PDE1A: variants seen among roughly 807,000 people sequenced by gnomAD.
The protein encoded by PDE1A is dual specificity calcium/calmodulin-dependent 3',5'-cyclic nucleotide phosphodiesterase 1A.
A neutral mutation model predicts 61.7 loss-of-function variants in PDE1A; 35 were observed. That is an observed-to-expected ratio of 0.57 (90% CI 0.43 to 0.75). The LOEUF (loss-of-function observed/expected upper bound fraction) is 0.75, where lower values mean the gene tolerates loss of function less well. Ranked by LOEUF, PDE1A falls within the 30% of genes least tolerant of loss-of-function variation. PDE1A has a pLI of 0.00. For missense variants in PDE1A, 597 were observed against 630.6 expected, an observed-to-expected ratio of 0.95 and a Z score of 0.57; for synonymous variants, 232 against 213.2, an observed-to-expected ratio of 1.09 and a Z score of -0.77.
the PDE1A span, among the ~76,000 whole-genome samples, chr2:182,696,688 G>A: frequency 1.1e-4 from 16 of 152,190 alleles, no homozygotes; most frequent in East Asian, 7.7e-4. Flanking sequence ...AGGGGATGTT[G>A]ACAATGGGGG....
At chr2:182,451,925 G>C (rs1685549690) in intron 2 of PDE1A, among the ~76,000 whole-genome samples, 1 of 151,248 alleles carries the variant, frequency 6.6e-6, no homozygotes, top group African/African-American at 2.4e-5. Context: ...ACATGAGCTA[G>C]AACTTCTGCT....
At chr2:182,495,392 T>G (rs1411433703) in intron 2 of PDE1A, among the ~76,000 whole-genome samples, 1 of 152,184 alleles carries the variant, frequency 6.6e-6, no homozygotes, top group Admixed American at 6.5e-5. Flanking sequence ...TGGTCCAGCA[T>G]GTAGAATCTG....
chr2:182,147,034 A>G, downstream of PDE1A: 1 of 1,204,720 alleles, frequency 8.3e-7, no homozygotes, highest in South Asian at 1.3e-5. Flanking sequence ...AAATAAAATT[A>G]CCTCTCATGT....
intron 2 of PDE1A, among the ~76,000 whole-genome samples, chr2:182,470,367 A>C (rs888385602): frequency 3.3e-5 from 5 of 151,904 alleles, no homozygotes; most frequent in African/African-American, 1.2e-4. Flanking sequence ...AATGGTGTTA[A>C]TCTCAATGCT....
chr2:182,499,277 C>T (rs1184408411), intron 2 of PDE1A, among the ~76,000 whole-genome samples: 2 of 148,452 alleles, frequency 1.3e-5, no homozygotes, highest in Non-Finnish European at 3.0e-5. Flanking sequence ...CCCGGGTTCA[C>T]GCCATTCTCC....
chr2:182,145,579 A>T (rs867806280), downstream of PDE1A, among the ~76,000 whole-genome samples: 1 of 152,046 alleles, frequency 6.6e-6, no homozygotes, highest in South Asian at 2.1e-4. Context: ...ATACAAAAAA[A>T]TTAGCCAGGC....
At chr2:182,546,117 T>C in the PDE1A span, among the ~76,000 whole-genome samples, 1 of 152,224 alleles carries the variant, frequency 6.6e-6, no homozygotes, top group South Asian at 2.1e-4. Context: ...CCCTTGTTAC[T>C]GAAGCAAGTG....
chr2:182,461,073 A>T (rs1686254693), intron 2 of PDE1A, among the ~76,000 whole-genome samples: 1 of 152,132 alleles, frequency 6.6e-6, no homozygotes, highest in Non-Finnish European at 1.5e-5. Context: ...TCAGAAGGTG[A>T]CCTCATATGC....
Position 182,206,075 on chromosome 2 carries a change from A to C in PDE1A, c.777-10T>G, listed in dbSNP as rs1170548048. ...AATGGCAACATCTGACCTAAGAATT[A>C]AAAACAAAATGCCCAACAGAGGATT... On this transcript the variant is annotated splice_polypyrimidine_tract_variant and intron_variant, in intron 7 of 13. Transcript: ENST00000351439. 1.3e-6 allele frequency: 2 copies of C among 1,598,388 alleles called. No individual in the cohort carries two copies. Among genetic ancestry groups the C allele is most frequent in the Middle Eastern group, 1.7e-4 (1 of 6,002 alleles).
the PDE1A span, among the ~76,000 whole-genome samples, chr2:182,602,209 G>A: frequency 7.9e-5 from 12 of 152,358 alleles, no homozygotes; most frequent in South Asian, 1.4e-3. Flanking sequence ...TGCAGGATGC[G>A]TGAGTCTGCA....
At chr2:182,483,586 A>G (rs1476695030) in intron 2 of PDE1A, among the ~76,000 whole-genome samples, 1 of 151,980 alleles carries the variant, frequency 6.6e-6, no homozygotes, top group Non-Finnish European at 1.5e-5. Flanking sequence ...TGGAAATTAG[A>G]ATACATTTTG....
chr2:182,406,497 G>A (rs1314144984), intron 1 of PDE1A, among the ~76,000 whole-genome samples: 1 of 152,078 alleles, frequency 6.6e-6, no homozygotes, highest in African/African-American at 2.4e-5. Flanking sequence ...ATCAACTGCT[G>A]TGCTCAGAAC....
At chr2:182,405,206 T>C (rs963137586) in intron 1 of PDE1A, among the ~76,000 whole-genome samples, 2 of 152,182 alleles carry the variant, frequency 1.3e-5, no homozygotes, top group African/African-American at 4.8e-5. Context: ...TGACCGTACA[T>C]ATATGACTCA....
rs575991469 is a variant in PDE1A, at chr2:182,191,464, A to G, written c.1126-2404T>C. Among the ~76,000 whole-genome samples, 524 of 152,254 alleles carry G rather than the reference A, an allele frequency of 3.4e-3. 3 individuals carry two copies. The highest frequency in any genetic ancestry group is 0.012 in the African/African-American group (510 of 41,572). ...ACCGATAGGCTTTTGGGAACCTGATATTAGAGATGCTTATTTAACATATGC... is the reference window on the plus strand; with the variant it reads ...ACCGATAGGCTTTTGGGAACCTGATGTTAGAGATGCTTATTTAACATATGC... On this transcript the variant is annotated intron_variant, in intron 10 of 13. Coordinates refer to ENST00000351439, the Ensembl canonical transcript of PDE1A.
At chr2:182,151,949 C>G (rs187344010) in intron 13 of PDE1A, among the ~76,000 whole-genome samples, 1 of 152,168 alleles carries the variant, frequency 6.6e-6, no homozygotes, top group Non-Finnish European at 1.5e-5. Flanking sequence ...CGCAAAATAG[C>G]CTAGGTGAAT....
the PDE1A span, among the ~76,000 whole-genome samples, chr2:182,650,083 T>C: frequency 5.3e-5 from 8 of 151,864 alleles, no homozygotes; most frequent in African/African-American, 1.7e-4. Context: ...CGAGACTCTC[T>C]CTCCAAAAAA....
the PDE1A span, among the ~76,000 whole-genome samples, chr2:182,545,338 A>G: frequency 1.3e-5 from 2 of 152,174 alleles, no homozygotes; most frequent in African/African-American, 4.8e-5. Context: ...GGCTCCAGTG[A>G]CACACTCAAG....
intron 1 of PDE1A, among the ~76,000 whole-genome samples, chr2:182,325,990 T>G (rs1163630676): frequency 6.6e-6 from 1 of 152,064 alleles, no homozygotes; most frequent in Non-Finnish European, 1.5e-5. Flanking sequence ...GAATACACAT[T>G]TCTCCAAAGC....
chr2:182,676,413 C>T, the PDE1A span, among the ~76,000 whole-genome samples: 1 of 150,696 alleles, frequency 6.6e-6, no homozygotes, highest in Non-Finnish European at 1.5e-5. Context: ...GAAATTGAAT[C>T]AGTAATAAAT....
Sources: gnomAD v4.1 joint callset for allele counts (sites outside exome capture counted in the v4.1 genomes callset) on GRCh38, gnomAD v4.1.1 for gene constraint, MANE v1.5 for transcripts, NCBI Gene and HGNC (gene_info 2026-07-23, HGNC 2026-07-21) for gene names.